Variants in PITPNM2 observed in about 807,000 individuals in gnomAD.
PITPNM2 encodes the protein phosphatidylinositol transfer protein membrane associated 2.
In PITPNM2, 35 loss-of-function variants were observed where a neutral mutation model predicts 132.2. The observed-to-expected ratio is 0.26, with a 90% CI of 0.20 to 0.35. PITPNM2 has a LOEUF of 0.35. Among genes scored for constraint, PITPNM2 ranks in the 10% least tolerant of loss-of-function variants. PITPNM2 has a pLI of 1.00. For missense variants in PITPNM2, 1,332 were observed against 1,912.0 expected, an observed-to-expected ratio of 0.70 and a Z score of 5.66; for synonymous variants, 738 against 799.2, an observed-to-expected ratio of 0.92 and a Z score of 1.29.
At chr12:123,060,074 C>G (rs896055765) in intron 2 of PITPNM2, among the ~76,000 whole-genome samples, 8 of 152,216 alleles carry the variant, frequency 5.3e-5, no homozygotes, top group African/African-American at 1.9e-4. Flanking sequence ...TGCAAGCTAG[C>G]ATCCTGGCTC....
In PITPNM2 at chr12:123,125,476, T is replaced by C. The variant is rs368389868; in HGVS notation, c.-199-14988A>G. Among the ~76,000 whole-genome samples the C allele has an allele frequency of 5.3e-5, 8 of 152,308 alleles. No individual in the cohort carries two copies. The South Asian group carries it at 1.0e-3, about 20-fold the overall frequency. The stretch of plus-strand genomic sequence containing the variant: ...ACAGATTTAACAAGAGTTTTTAAAA[T>C]TTCAATTCTAATTATTTTATGTTTT... On this transcript the variant is annotated intron_variant, in intron 1 of 25. Coordinates refer to ENST00000320201, the MANE Select transcript of PITPNM2 (RefSeq NM_020845.3).
At chr12:123,044,175 A>C (rs2040579712) in intron 2 of PITPNM2, among the ~76,000 whole-genome samples, 3 of 152,214 alleles carry the variant, frequency 2.0e-5, no homozygotes, top group Admixed American at 2.0e-4. Context: ...TTAGGGTCTA[A>C]GCTGTGGCTA....
rs996866257 is a variant in PITPNM2, at chr12:123,106,318, T to C, written c.-96+4067A>G. 6.6e-6 allele frequency among the ~76,000 whole-genome samples: 1 copy of C among 151,930 alleles called. No homozygotes were observed. The highest frequency in any genetic ancestry group is 1.5e-5 in the Non-Finnish European group (1 of 67,974). Reference sequence around the variant, plus strand: ...TGGGAGGACTGCTTAAGCCCAGGAATTCAAGGCTGCAGTGAGCCATGATCA... The same window carrying C: ...TGGGAGGACTGCTTAAGCCCAGGAACTCAAGGCTGCAGTGAGCCATGATCA... On this transcript the variant is annotated intron_variant, in intron 2 of 25. Transcript: ENST00000320201. This position sits in a 1 kb window ranked among gnomAD's most constrained non-coding sequence, Gnocchi z 4.4.
At chr12:122,988,452 G>A in intron 19 of PITPNM2, 102 bp from the exon 20 acceptor site, 7 of 972,862 alleles carry the variant, frequency 7.2e-6, no homozygotes, top group Non-Finnish European at 9.6e-6. Flanking sequence ...GGAGCCTGTG[G>A]GTTGTAGGGG....
At chr12:123,061,427 A>G (rs2041231464) in intron 2 of PITPNM2, among the ~76,000 whole-genome samples, 1 of 152,262 alleles carries the variant, frequency 6.6e-6, no homozygotes, top group Non-Finnish European at 1.5e-5. Context: ...TGACGTGCCT[A>G]CAATCCAAGG....
chr12:123,077,296 G>T lies in PITPNM2; in HGVS notation c.-96+33089C>A, dbSNP rs1486813053. On this transcript the variant is annotated intron_variant, in intron 2 of 25. Transcript: ENST00000320201. The surrounding 1 kb of genome is among the most constrained non-coding windows in gnomAD (Gnocchi z 4.8). ...ATCGGGGTGGGGAGGGACACCCCTT[G>T]TTATCAGGGGTGGAGAGGGACAAAA... 6.6e-6 allele frequency among the ~76,000 whole-genome samples: 1 copy of T among 152,140 alleles called. No homozygotes were observed. Among genetic ancestry groups the T allele is most frequent in the Admixed American group, 6.5e-5 (1 of 15,276 alleles).
chr12:123,076,636 T>C (rs984248177), intron 2 of PITPNM2, among the ~76,000 whole-genome samples: 1 of 152,194 alleles, frequency 6.6e-6, no homozygotes, highest in Non-Finnish European at 1.5e-5. Flanking sequence ...CACAGACACA[T>C]ACTGGAACAT....
In PITPNM2 at chr12:122,992,536, T is replaced by C. The variant is rs549958395; in HGVS notation, c.2367A>G (p.Gln789=). 5.6e-6 allele frequency: 9 copies of C among 1,610,830 alleles called. No homozygotes were observed. Among genetic ancestry groups the C allele is most frequent in the East Asian group, 2.2e-5 (1 of 44,682 alleles). Residue 789 remains glutamine (Q), a synonymous_variant, in exon 16 of 26, where the codon CAA becomes CAG. Transcript: ENST00000320201. The surrounding 1 kb of genome is among the most constrained non-coding windows in gnomAD (Gnocchi z 6.5). ...AGCAGCCATCCCCCAGCGGGTAGCG[T>C]TGGTAGCGGGGGACGCTGAAAGGCG... ...ALPPFSVPRY[Q]RYPLGDGCST...
intron 1 of PITPNM2, among the ~76,000 whole-genome samples, chr12:123,134,448 G>T (rs1288795970): frequency 6.6e-6 from 1 of 152,116 alleles, no homozygotes; most frequent in African/African-American, 2.4e-5. Context: ...GTCTGCGGCG[G>T]TGTCACCCAC....
rs1392347216 is a variant in PITPNM2 at position 123,013,937 on chromosome 12, C to T, written c.184G>A (p.Val62Met). 3 of 1,614,156 alleles carry T rather than the reference C, an allele frequency of 1.9e-6. No homozygotes were observed. The highest frequency in any genetic ancestry group is 2.5e-6 in the Non-Finnish European group (3 of 1,180,058). The change falls in exon 4 of 26, where the codon GTG becomes ATG. Residue 62 changes from valine (V) to methionine (M), a missense_variant. By Grantham distance (21) the Val-to-Met change is conservative. Around this residue, in one of 6 missense-constraint regions of PITPNM2, gnomAD observed 83 missense variants for 118.7 expected, o/e 0.70. Transcript: ENST00000320201. ...GGAATGTGCATGCCCACATGATACACCTTGTGTGTGTACTGCCCAGAGCCG... is the reference window on the plus strand; with the variant it reads ...GGAATGTGCATGCCCACATGATACATCTTGTGTGTGTACTGCCCAGAGCCG... ...PGGSGQYTHKVYHVGMHIPSW... is the reference protein window; with the variant it reads ...PGGSGQYTHKMYHVGMHIPSW...
At position 123,080,329 on chromosome 12, in the gene PITPNM2, C is replaced by T. The variant is rs149288200; in HGVS notation, c.-96+30056G>A. ...GACCTCCTGGATTCAAGTGATTCTC[C>T]CACCTCAGCCTCCTGAGTATCTGGA... On this transcript the variant is annotated intron_variant, in intron 2 of 25. Coordinates refer to ENST00000320201, the MANE Select transcript of PITPNM2 (RefSeq NM_020845.3). 5.4e-3 allele frequency among the ~76,000 whole-genome samples: 815 copies of T among 152,266 alleles called. 5 individuals are homozygous for T. Among genetic ancestry groups the T allele is most frequent in the Non-Finnish European group, 8.7e-3 (594 of 68,032 alleles).
chr12:123,029,446 C>T (rs1352211774), intron 3 of PITPNM2, among the ~76,000 whole-genome samples: 1 of 152,162 alleles, frequency 6.6e-6, no homozygotes, highest in Non-Finnish European at 1.5e-5. Flanking sequence ...ATTAGCCAGG[C>T]ATGGAGGCGG....
intron 2 of PITPNM2, among the ~76,000 whole-genome samples, chr12:123,041,022 T>C (rs757062176): frequency 9.2e-5 from 14 of 152,116 alleles, no homozygotes; most frequent in Non-Finnish European, 1.5e-4. Flanking sequence ...ATTTGAGTGG[T>C]GTGTGTGTAA....
intron 2 of PITPNM2, among the ~76,000 whole-genome samples, chr12:123,072,245 C>T (rs2041639563): frequency 6.6e-6 from 1 of 152,206 alleles, no homozygotes; most frequent in Admixed American, 6.5e-5. Context: ...CTGCTGTGCA[C>T]ACCAGGAAAC....
At chr12:123,094,446 T>C (rs1327095375) in intron 2 of PITPNM2, among the ~76,000 whole-genome samples, 1 of 152,238 alleles carries the variant, frequency 6.6e-6, no homozygotes, top group Admixed American at 6.5e-5. Context: ...CTGTGCTTCC[T>C]GCCAGGCTTG....
In PITPNM2 at chr12:122,989,836, G is replaced by T; in HGVS notation, c.2682C>A (p.Ser894Arg). 7.2e-7 allele frequency: 1 copy of T among 1,392,092 alleles called. No homozygotes were observed. The highest frequency in any genetic ancestry group is 9.4e-7 in the Non-Finnish European group (1 of 1,068,508). 86.2% of individuals were successfully genotyped at this position (1,392,092 alleles called of 1,614,324 possible). A position where few individuals can be genotyped will look rare whatever the true frequency, so the allele number is the denominator to read the frequency against. The change falls in exon 18 of 26, where the codon AGC becomes AGA. Residue 894 changes from serine (S) to arginine (R), a missense_variant. By Grantham distance (110) the Ser-to-Arg change is moderately radical. Coordinates refer to ENST00000320201, the MANE Select transcript of PITPNM2 (RefSeq NM_020845.3). ...PGPHPPARKA[S>R]PGLERAPGLP... is the part of the protein sequence containing the mutation. ...GGCCAGGGGCCCTCTCCAGGCCAGGGCTTGCCTTCCTGGCTGGAGGGTGGG... is the reference window on the plus strand; with the variant it reads ...GGCCAGGGGCCCTCTCCAGGCCAGGTCTTGCCTTCCTGGCTGGAGGGTGGG...
At position 123,005,394 on chromosome 12, in the gene PITPNM2, C is replaced by T. The variant is rs1254980089; in HGVS notation, c.798G>A (p.Glu266=). 2.5e-6 allele frequency: 4 copies of T among 1,614,216 alleles called. No individual in the cohort carries two copies. Among genetic ancestry groups the T allele is most frequent in the Admixed American group, 1.7e-5 (1 of 60,036 alleles). The change falls in exon 7 of 26, where the codon GAG becomes GAA. Residue 266 remains glutamate, a synonymous_variant. Transcript: ENST00000320201. The surrounding 1 kb of genome is among the most constrained non-coding windows in gnomAD (Gnocchi z 6.2). ...CTTCGTGCTTGACGAGCTCAGTGGC[C>T]TCCTCACCATCCTCATTGAACTGGG... ...KMAQFNEDGE[E]ATELVKHEAV... is the part of the protein sequence containing the mutation.
chr12:123,114,750 A>G (rs1257019550), intron 1 of PITPNM2, among the ~76,000 whole-genome samples: 2 of 152,156 alleles, frequency 1.3e-5, no homozygotes, highest in Non-Finnish European at 2.9e-5. Flanking sequence ...TACCTAATTC[A>G]TAGAATGGCT....
chr12:122,996,855 G>T lies in PITPNM2; in HGVS notation c.1528C>A (p.Pro510Thr). Residue 510 changes from proline to threonine, a missense_variant, in exon 12 of 26, where the codon CCC becomes ACC. This residue lies in a region of PITPNM2 where 710 missense variants were observed against 911.5 expected (regional missense o/e 0.78). Coordinates refer to ENST00000320201, the MANE Select transcript of PITPNM2 (RefSeq NM_020845.3). ...GCCAGCAGGGGGAGGGCAGCCAGGG[G>T]AATGTGGTCCTGACTGCTGGACAGA... ...GCLSSSQDHI[P>T]LAALPLLATS... 1 of 1,598,016 alleles carries T rather than the reference G, an allele frequency of 6.3e-7. No homozygotes were observed. The highest frequency in any genetic ancestry group is 8.5e-7 in the Non-Finnish European group (1 of 1,175,846).
Sources: gnomAD v4.1 joint callset for allele counts (sites outside exome capture counted in the v4.1 genomes callset) on GRCh38, gnomAD v4.1.1 for gene constraint, gnomAD v4.1.1 regional missense constraint, Gnocchi (gnomAD v3.1) non-coding constraint, MANE v1.5 for transcripts, NCBI Gene and HGNC (gene_info 2026-07-23, HGNC 2026-07-21) for gene names.